Variants in TPP2 observed in about 807,000 individuals in gnomAD.
The protein encoded by TPP2 is tripeptidyl peptidase 2, also known as tripeptidyl-peptidase 2.
TPP2 carries 34 observed loss-of-function variants against 155.9 expected under a neutral mutation model. That is an observed-to-expected ratio of 0.22 (90% CI 0.17 to 0.29). The LOEUF (loss-of-function observed/expected upper bound fraction) is 0.29, where lower values mean the gene tolerates loss of function less well. Among genes scored for constraint, TPP2 ranks in the 10% least tolerant of loss-of-function variants. The pLI is 1.00. For synonymous variants in TPP2, 510 were observed against 529.4 expected (o/e 0.96, Z 0.50); for missense variants, 1,028 against 1,522.3 (o/e 0.68, Z 5.40).
At chr13:102,639,276 C>T (rs1243210714) in intron 15 of TPP2, among the ~76,000 whole-genome samples, 5 of 151,970 alleles carry the variant, frequency 3.3e-5, no homozygotes, top group Non-Finnish European at 7.4e-5. Flanking sequence ...GTACTGGAAA[C>T]CAAGTGGAAA....
intron 21 of TPP2, among the ~76,000 whole-genome samples, chr13:102,647,562 G>A (rs1349307107): frequency 1.3e-5 from 2 of 152,142 alleles, no homozygotes; most frequent in Admixed American, 6.5e-5. Context: ...AATTAGAGGA[G>A]GACAAGGGTG....
At chr13:102,634,244 A>T in intron 11 of TPP2, 146 bp downstream of exon 11, 1 of 1,123,666 alleles carries the variant, frequency 8.9e-7, no homozygotes, top group Non-Finnish European at 1.2e-6. Context: ...TGTGATAATG[A>T]TAATTTGAAT....
intron 2 of TPP2, among the ~76,000 whole-genome samples, chr13:102,610,938 C>T (rs567606118): frequency 7.9e-5 from 12 of 152,300 alleles, no homozygotes; most frequent in African/African-American, 2.6e-4. Flanking sequence ...CCTATTTCAA[C>T]TTTTGTGATA....
At chr13:102,638,920 G>C (rs969495120) in intron 15 of TPP2, among the ~76,000 whole-genome samples, 5 of 152,198 alleles carry the variant, frequency 3.3e-5, no homozygotes, top group Non-Finnish European at 7.3e-5. Context: ...AGTGTTTCCT[G>C]TCATTCCGTA....
intron 1 of TPP2, among the ~76,000 whole-genome samples, chr13:102,603,105 T>C (rs890696761): frequency 2.0e-5 from 3 of 152,236 alleles, no homozygotes; most frequent in African/African-American, 7.2e-5. Flanking sequence ...AATCATGTTA[T>C]GGCTCAAATG....
chr13:102,661,815 A>G (rs1344789476), intron 25 of TPP2, among the ~76,000 whole-genome samples: 1 of 152,222 alleles, frequency 6.6e-6, no homozygotes, highest in Non-Finnish European at 1.5e-5. Context: ...ATCCTCAGAC[A>G]CTGATGGTAA....
chr13:102,606,828 A>G (rs1879869169), intron 2 of TPP2, among the ~76,000 whole-genome samples: 1 of 152,116 alleles, frequency 6.6e-6, no homozygotes, highest in Admixed American at 6.5e-5. Flanking sequence ...TCCAGGTTCT[A>G]CTTCCTTTTC....
At chr13:102,653,550 A>C (rs1883654299) in intron 24 of TPP2, among the ~76,000 whole-genome samples, 1 of 152,008 alleles carries the variant, frequency 6.6e-6, no homozygotes, top group Non-Finnish European at 1.5e-5. Context: ...GTGTGCCACT[A>C]TGCCTGGCTA....
At chr13:102,649,852 A>G (rs1029733486) in intron 23 of TPP2, among the ~76,000 whole-genome samples, 8 of 152,164 alleles carry the variant, frequency 5.3e-5, no homozygotes, top group Admixed American at 3.3e-4. Flanking sequence ...AATTTAACCA[A>G]TAAGATTGGT....
At chr13:102,619,626 C>A (rs1394071392) in intron 5 of TPP2, among the ~76,000 whole-genome samples, 1 of 152,184 alleles carries the variant, frequency 6.6e-6, no homozygotes, top group Non-Finnish European at 1.5e-5. Context: ...AAGGAGGGTT[C>A]TCCTCCCACG....
intron 16 of TPP2, among the ~76,000 whole-genome samples, chr13:102,642,317 C>G (rs916793617): frequency 3.9e-5 from 6 of 152,002 alleles, no homozygotes; most frequent in African/African-American, 1.4e-4. Context: ...GTAAAATGTG[C>G]ACTGGTAAAT....
intron 29 of TPP2, among the ~76,000 whole-genome samples, chr13:102,676,909 G>A (rs778422540): frequency 6.6e-6 from 1 of 152,286 alleles, no homozygotes; most frequent in East Asian, 1.9e-4. Flanking sequence ...AAATTTAGCT[G>A]ATTTCTACAG....
chr13:102,651,669 A>C (rs1883497111), intron 24 of TPP2, among the ~76,000 whole-genome samples: 1 of 151,848 alleles, frequency 6.6e-6, no homozygotes, highest in South Asian at 2.1e-4. Flanking sequence ...CTTGCTACAG[A>C]TATGATAACA....
At chr13:102,613,250 G>T (rs1290379615) in intron 2 of TPP2, among the ~76,000 whole-genome samples, 1 of 152,158 alleles carries the variant, frequency 6.6e-6, no homozygotes, top group Non-Finnish European at 1.5e-5. Context: ...CTATTTAGTT[G>T]TGAGGAAATT....
intron 10 of TPP2, among the ~76,000 whole-genome samples, chr13:102,630,696 TC>T (rs1419731774): frequency 6.6e-6 from 1 of 152,212 alleles, no homozygotes; most frequent in African/African-American, 2.4e-5. Flanking sequence ...CTCTTTTGGT[TC>T]CCTGAAGCCC....
At chr13:102,676,218 C>T (rs763907062) in intron 28 of TPP2, 78 bp from the exon 29 acceptor site, 218 of 1,312,710 alleles carry the variant, frequency 1.7e-4, no homozygotes, top group Non-Finnish European at 2.0e-4. Flanking sequence ...CTGTTAAAGC[C>T]TTAATTTTAT....
intron 24 of TPP2, 65 bp downstream of exon 24, chr13:102,651,462 G>A (rs1883483887): frequency 1.3e-6 from 2 of 1,515,918 alleles, no homozygotes; most frequent in East Asian, 2.5e-5. Flanking sequence ...ACTTTTTTCT[G>A]TCACTATTAT....
At chr13:102,630,065 T>C in intron 9 of TPP2, 31 bp from the exon 10 acceptor site, 1 of 1,594,624 alleles carries the variant, frequency 6.3e-7, no homozygotes, top group East Asian at 2.2e-5. Flanking sequence ...CCGTTTGTTT[T>C]CTTTTCTTAA....
rs765178594 is a variant in TPP2, at chr13:102,678,329, G to A, written c.*13G>A. 1 of 1,600,352 alleles carries A rather than the reference G, an allele frequency of 6.2e-7. No individual in the cohort carries two copies. Among genetic ancestry groups the A allele is most frequent in the Admixed American group, 1.8e-5 (1 of 56,240 alleles). On this transcript the variant is annotated 3_prime_UTR_variant, in exon 30 of 30. Transcript: ENST00000376052. ...TTGCGTATTCTAAAATAGGAAACAA[G>A]ACTTTAAATTTTAAAAAAGGAAGTT...
Sources: gnomAD v4.1 joint callset for allele counts (sites outside exome capture counted in the v4.1 genomes callset) on GRCh38, gnomAD v4.1.1 for gene constraint, MANE v1.5 for transcripts, NCBI Gene and HGNC (gene_info 2026-07-23, HGNC 2026-07-21) for gene names.